Variants in CYP39A1 observed in about 807,000 individuals in gnomAD.
CYP39A1 encodes 24-hydroxycholesterol 7-alpha-hydroxylase.
A neutral mutation model predicts 58.1 loss-of-function variants in CYP39A1; 49 were observed. The observed-to-expected ratio is 0.84, with a 90% CI of 0.67 to 1.07. The LOEUF is 1.07. Among genes scored for constraint, CYP39A1 ranks in the 50% least tolerant of loss-of-function variants. The pLI, the probability that CYP39A1 is intolerant of heterozygous loss-of-function variation, is 0.00. For synonymous variants in CYP39A1, 209 were observed against 187.6 expected, an observed-to-expected ratio of 1.11 and a Z score of -0.93; for missense variants, 531 against 539.4, an observed-to-expected ratio of 0.98 and a Z score of 0.16.
chr6:46,612,895 T>C (rs1176263547), intron 7 of CYP39A1, among the ~76,000 whole-genome samples: 1 of 152,202 alleles, frequency 6.6e-6, no homozygotes, highest in Non-Finnish European at 1.5e-5. Flanking sequence ...TTAAGTTCAC[T>C]GAAGGGACTC....
chr6:46,608,967 G>A (rs1774026553), intron 7 of CYP39A1, among the ~76,000 whole-genome samples: 1 of 152,068 alleles, frequency 6.6e-6, no homozygotes, highest in Admixed American at 6.5e-5. Context: ...GCTGGTTACA[G>A]ATTTGTGGGA....
chr6:46,632,652 C>A (rs898964546), intron 5 of CYP39A1, among the ~76,000 whole-genome samples: 1 of 152,054 alleles, frequency 6.6e-6, no homozygotes, highest in African/African-American at 2.4e-5. Context: ...GTCTGTGGTT[C>A]CCCGCAGATA....
intron 10 of CYP39A1, among the ~76,000 whole-genome samples, chr6:46,566,269 T>G (rs1399181050): frequency 6.6e-6 from 1 of 152,142 alleles, no homozygotes; most frequent in Non-Finnish European, 1.5e-5. Flanking sequence ...TTTTAAACAT[T>G]CTGTATTGGT....
intron 7 of CYP39A1, 64 bp from the exon 8 acceptor site, chr6:46,596,184 G>A: frequency 7.6e-7 from 1 of 1,316,546 alleles, no homozygotes; most frequent in South Asian, 1.4e-5. Flanking sequence ...TTTCACGTAA[G>A]CTCATCAGCA....
chr6:46,564,966 T>C (rs940185317), intron 10 of CYP39A1, among the ~76,000 whole-genome samples: 1 of 152,198 alleles, frequency 6.6e-6, no homozygotes, highest in African/African-American at 2.4e-5. Flanking sequence ...AGAAATCTTT[T>C]AGGAAAATAA....
chr6:46,563,563 G>T (rs1430401185), intron 10 of CYP39A1, among the ~76,000 whole-genome samples: 1 of 152,146 alleles, frequency 6.6e-6, no homozygotes, highest in African/African-American at 2.4e-5. Context: ...TGCTAGCAAT[G>T]CACATGGAGA....
At chr6:46,582,061 C>T (rs1772162245) in intron 10 of CYP39A1, among the ~76,000 whole-genome samples, 2 of 152,156 alleles carry the variant, frequency 1.3e-5, no homozygotes, top group South Asian at 4.1e-4. Context: ...ACCCTCATTC[C>T]TAACCCTCTT....
At position 46,602,806 on chromosome 6, in the gene CYP39A1, T is replaced by C. The variant is rs538950858; in HGVS notation, c.932-6686A>G. Among the ~76,000 whole-genome samples, 11 of 151,686 alleles carry C rather than the reference T, an allele frequency of 7.3e-5. No individual in the cohort carries two copies. The South Asian group carries it at 2.3e-3, about 32-fold the overall frequency. Reference sequence around the variant, plus strand: ...TAAAGCAGTTATTATTGCCAATTTTTAAATTATCTTTTCTATTTTATAAAA... The same window carrying C: ...TAAAGCAGTTATTATTGCCAATTTTCAAATTATCTTTTCTATTTTATAAAA... On this transcript the variant is annotated intron_variant, in intron 7 of 11. Transcript: ENST00000275016.
chr6:46,593,366 T>C (rs1261745715), intron 8 of CYP39A1, among the ~76,000 whole-genome samples: 1 of 152,080 alleles, frequency 6.6e-6, no homozygotes, highest in African/African-American at 2.4e-5. Flanking sequence ...ACTCCCTTTA[T>C]AACATAATCC....
At chr6:46,609,053 T>G (rs946192057) in intron 7 of CYP39A1, among the ~76,000 whole-genome samples, 1 of 152,200 alleles carries the variant, frequency 6.6e-6, no homozygotes, top group Non-Finnish European at 1.5e-5. Context: ...ACAATTATTC[T>G]TTTAATTTTG....
intron 1 of CYP39A1, among the ~76,000 whole-genome samples, chr6:46,648,573 A>T (rs1408429905): frequency 6.6e-6 from 1 of 151,468 alleles, no homozygotes; most frequent in African/African-American, 2.4e-5. Context: ...AATATAAATG[A>T]TGAGTTACTG....
intron 10 of CYP39A1, among the ~76,000 whole-genome samples, chr6:46,558,726 G>A (rs1037371425): frequency 2.6e-5 from 4 of 152,210 alleles, no homozygotes; most frequent in Admixed American, 6.5e-5. Flanking sequence ...GGCCGGGCAC[G>A]GTGGCTCATG....
chr6:46,607,406 A>T (rs1156350120), intron 7 of CYP39A1, among the ~76,000 whole-genome samples: 3 of 151,498 alleles, frequency 2.0e-5, no homozygotes, highest in Admixed American at 1.3e-4. Flanking sequence ...TCACTAAAGG[A>T]TGTCCTTCTT....
In CYP39A1 at chr6:46,642,202, C is replaced by A; in HGVS notation, c.274G>T (p.Asp92Tyr). 1.2e-6 allele frequency: 2 copies of A among 1,612,888 alleles called. No individual in the cohort carries two copies. The highest frequency in any genetic ancestry group is 4.5e-5 in the East Asian group (2 of 44,684). Reference protein sequence around the residue: ...INVFLKSKKVDFELAVQNIVY... With the variant: ...INVFLKSKKVYFELAVQNIVY... ...ATATTTTGCACTGCTAGTTCAAAAT[C>A]TACTTTTTTGGATTTTAGAAACACA... The change falls in exon 2 of 12, where the codon GAT (aspartate) becomes TAT (tyrosine). Residue 92 changes from aspartate to tyrosine, a missense_variant. Physicochemically the swap from Asp to Tyr is radical, Grantham distance 160. Transcript: ENST00000275016.
Position 46,639,517 on chromosome 6 carries a change from T to C in CYP39A1, c.465A>G (p.Thr155=), listed in dbSNP as rs1412092621. 11 of 1,614,004 alleles carry C rather than the reference T, an allele frequency of 6.8e-6. No homozygotes were observed. The highest frequency in any genetic ancestry group is 2.2e-5 in the East Asian group (1 of 44,868). The stretch of plus-strand genomic sequence containing the variant: ...ACCTTACTAAGTTGTTCAGGTCCAT[T>C]GTCCCATGAGTGCCTAAATTCTCCA... ...EQLENLGTHG[T]MDLNNLVRHL... Residue 155 remains threonine, a synonymous_variant, in exon 3 of 12, where the codon ACA becomes ACG. Transcript: ENST00000275016.
chr6:46,573,006 T>C (rs1367488700), intron 10 of CYP39A1, among the ~76,000 whole-genome samples: 1 of 152,004 alleles, frequency 6.6e-6, no homozygotes, highest in African/African-American at 2.4e-5. Flanking sequence ...TATGTTTGCT[T>C]TCTTTTGATC....
At chr6:46,634,377 C>G (rs957677677) in intron 5 of CYP39A1, among the ~76,000 whole-genome samples, 3 of 152,110 alleles carry the variant, frequency 2.0e-5, no homozygotes, top group African/African-American at 7.2e-5. Flanking sequence ...TCGGGTATGT[C>G]TTTTTCACCA....
intron 1 of CYP39A1, among the ~76,000 whole-genome samples, chr6:46,651,740 T>C (rs1762707881): frequency 6.6e-6 from 1 of 152,194 alleles, no homozygotes; most frequent in Non-Finnish European, 1.5e-5. Context: ...AGAATAATTA[T>C]AATATCATAC....
intron 7 of CYP39A1, among the ~76,000 whole-genome samples, chr6:46,613,464 T>C (rs1411397758): frequency 6.6e-6 from 1 of 152,254 alleles, no homozygotes; most frequent in Non-Finnish European, 1.5e-5. Context: ...GCATAAATCA[T>C]GACTTTTATG....
Sources: gnomAD v4.1 joint callset for allele counts (sites outside exome capture counted in the v4.1 genomes callset) on GRCh38, gnomAD v4.1.1 for gene constraint, MANE v1.5 for transcripts, NCBI Gene and HGNC (gene_info 2026-07-23, HGNC 2026-07-21) for gene names.